The following TNFRSF19 variants were observed in gnomAD, a reference collection of about 807,000 sequenced individuals.
The protein encoded by TNFRSF19 is TNF receptor superfamily member 19.
TNFRSF19 carries 27 observed loss-of-function variants against 46.4 expected under a neutral mutation model. The ratio of observed to expected loss-of-function variants is 0.58; its 90% CI spans 0.43 to 0.80. The LOEUF (loss-of-function observed/expected upper bound fraction) is 0.80, where lower values mean the gene tolerates loss of function less well. Among genes scored for constraint, TNFRSF19 ranks in the 30% least tolerant of loss-of-function variants. TNFRSF19 has a pLI of 0.00. For synonymous variants in TNFRSF19, 204 were observed against 205.0 expected (o/e 1.00, Z 0.04); for missense variants, 511 against 530.8 (o/e 0.96, Z 0.37).
chr13:23,667,684 C>G (rs757769849), intron 7 of TNFRSF19, among the ~76,000 whole-genome samples: 1 of 152,098 alleles, frequency 6.6e-6, no homozygotes, highest in South Asian at 2.1e-4. Flanking sequence ...ATTTTTCATC[C>G]TCCCAAACTG....
intron 7 of TNFRSF19, 104 bp from the exon 8 acceptor site, chr13:23,667,876 C>A (rs747197201): frequency 1.0e-6 from 1 of 977,636 alleles, no homozygotes. Context: ...CAAAAGTCAC[C>A]CAAAGGGAAA....
intron 4 of TNFRSF19, among the ~76,000 whole-genome samples, chr13:23,620,356 A>C (rs1881573347): frequency 6.6e-6 from 1 of 152,166 alleles, no homozygotes; most frequent in Non-Finnish European, 1.5e-5. Flanking sequence ...CTCTAGCAAG[A>C]ACCTGCTGCT....
At chr13:23,609,619 T>C (rs1829817808) in intron 3 of TNFRSF19, among the ~76,000 whole-genome samples, 1 of 152,206 alleles carries the variant, frequency 6.6e-6, no homozygotes, top group Non-Finnish European at 1.5e-5. Context: ...CAAAGTAAAC[T>C]TTTCTAACCA....
In TNFRSF19 at chr13:23,668,711, G is replaced by C. The variant is rs1271329032; in HGVS notation, c.859G>C (p.Glu287Gln). 6.8e-6 allele frequency: 11 copies of C among 1,613,794 alleles called. No individual in the cohort carries two copies. Among genetic ancestry groups the C allele is most frequent in the Non-Finnish European group, 9.3e-6 (11 of 1,179,776 alleles). ...LQARNAGPAG[E>Q]MVPTFFGSLT... is the part of the protein sequence containing the mutation. The stretch of plus-strand genomic sequence containing the variant: ...GTGCAGAAACGCAGGCCCAGCCGGG[G>C]AGATGGTGCCGACTTTCTTCGGATC... The change falls in exon 9 of 10, where the codon GAG becomes CAG. Residue 287 changes from glutamate (E) to glutamine (Q), a missense_variant. Glu to Gln is a conservative substitution (Grantham distance 29). Around this residue, in one of 3 missense-constraint regions of TNFRSF19, gnomAD observed 376 missense variants for 372.7 expected, o/e 1.01. Coordinates refer to ENST00000248484, the MANE Select transcript of TNFRSF19 (RefSeq NM_148957.4).
intron 5 of TNFRSF19, among the ~76,000 whole-genome samples, chr13:23,652,612 G>A (rs1005067302): frequency 6.6e-6 from 1 of 152,136 alleles, no homozygotes; most frequent in African/African-American, 2.4e-5. Context: ...TCTCATGCAT[G>A]GCCTGATTAA....
At chr13:23,638,616 G>A (rs962557595) in intron 5 of TNFRSF19, among the ~76,000 whole-genome samples, 8 of 152,340 alleles carry the variant, frequency 5.3e-5, no homozygotes, top group Admixed American at 5.2e-4. Context: ...ATCAAGTTTG[G>A]TTGAGGAACT....
chr13:23,660,555 T>C, intron 7 of TNFRSF19, 65 bp downstream of exon 7: 1 of 1,564,936 alleles, frequency 6.4e-7, no homozygotes, highest in Non-Finnish European at 8.7e-7. Context: ...GCAGCAAGAA[T>C]TGGTCCTGGT....
intron 4 of TNFRSF19, among the ~76,000 whole-genome samples, chr13:23,626,419 C>T (rs1882013792): frequency 2.6e-5 from 4 of 152,074 alleles, no homozygotes; most frequent in South Asian, 2.1e-4. Context: ...GTTTAAGTTT[C>T]AATAAAAATG....
intron 3 of TNFRSF19, among the ~76,000 whole-genome samples, chr13:23,605,009 C>G (rs996091121): frequency 2.6e-5 from 4 of 152,072 alleles, no homozygotes; most frequent in Non-Finnish European, 4.4e-5. Context: ...GCATAAGACA[C>G]TGTTGAGAGA....
At chr13:23,639,091 C>CA (rs996542689) in intron 5 of TNFRSF19, among the ~76,000 whole-genome samples, 3 of 152,064 alleles carry the variant, frequency 2.0e-5, no homozygotes, top group Non-Finnish European at 2.9e-5. Flanking sequence ...AAACCAAAGT[C>CA]AAACTTAAGG....
chr13:23,656,876 C>T (rs1054444667), intron 5 of TNFRSF19, among the ~76,000 whole-genome samples: 32 of 152,192 alleles, frequency 2.1e-4, no homozygotes, highest in African/African-American at 7.5e-4. Flanking sequence ...AGTGTTTGCA[C>T]AGCTGTGCTT....
At chr13:23,588,000 C>A (rs1878969282) in intron 1 of TNFRSF19, among the ~76,000 whole-genome samples, 1 of 152,176 alleles carries the variant, frequency 6.6e-6, no homozygotes, top group South Asian at 2.1e-4. Flanking sequence ...CAAGGACTGT[C>A]ACATCCTAAT....
At position 23,669,090 on chromosome 13, in the gene TNFRSF19, CCCTCCAGGTAAG is replaced by C. The variant is rs1269158832; in HGVS notation, c.1239_1245+5del. 6.2e-7 allele frequency: 1 copy of C among 1,613,904 alleles called. No individual in the cohort carries two copies. The highest frequency in any genetic ancestry group is 2.2e-5 in the East Asian group (1 of 44,890). On this transcript the variant is annotated splice_donor_variant and splice_donor_5th_base_variant and coding_sequence_variant and intron_variant, in exon 9 of 10. Transcript: ENST00000248484. LOFTEE classifies it high-confidence loss of function. The stretch of plus-strand genomic sequence containing the variant: ...GTCATCCACCCAGCCACTCAGACGT[CCCTCCAGGTAAG>C]GCAGCGACTGGGTTCCCTGTGAACA...
chr13:23,610,743 G>A (rs1239853174), intron 3 of TNFRSF19, among the ~76,000 whole-genome samples: 5 of 152,092 alleles, frequency 3.3e-5, no homozygotes, highest in Admixed American at 3.3e-4. Context: ...GTGGAGGGAG[G>A]CATTGGATAC....
intron 1 of TNFRSF19, among the ~76,000 whole-genome samples, chr13:23,574,266 T>C (rs561515839): frequency 1.3e-5 from 2 of 152,200 alleles, no homozygotes; most frequent in Admixed American, 6.5e-5. Context: ...TCATTATCAA[T>C]TAATTCAATA....
chr13:23,616,673 C>G (rs1881317202), intron 4 of TNFRSF19, among the ~76,000 whole-genome samples: 1 of 152,034 alleles, frequency 6.6e-6, no homozygotes, highest in African/African-American at 2.4e-5. Flanking sequence ...ACCTGTGCCT[C>G]CCAGGTTCAA....
intron 3 of TNFRSF19, among the ~76,000 whole-genome samples, chr13:23,602,437 A>G (rs1453891329): frequency 6.6e-6 from 1 of 152,144 alleles, no homozygotes; most frequent in Non-Finnish European, 1.5e-5. Flanking sequence ...CTTCAACACT[A>G]TCAGAAATGG....
chr13:23,622,615 G>A (rs1291862680), intron 4 of TNFRSF19, among the ~76,000 whole-genome samples: 1 of 152,118 alleles, frequency 6.6e-6, no homozygotes, highest in Non-Finnish European at 1.5e-5. Context: ...AAAATGTTAA[G>A]TAGTGTCTAT....
chr13:23,658,948 C>G (rs1466385633), intron 5 of TNFRSF19, 102 bp from the exon 6 acceptor site: 8 of 1,485,406 alleles, frequency 5.4e-6, no homozygotes, highest in Non-Finnish European at 7.4e-6. Context: ...CCAGTTTTCT[C>G]ACAGCATGGG....
Sources: gnomAD v4.1 joint callset for allele counts (sites outside exome capture counted in the v4.1 genomes callset) on GRCh38, gnomAD v4.1.1 for gene constraint, gnomAD v4.1.1 regional missense constraint, MANE v1.5 for transcripts, NCBI Gene and HGNC (gene_info 2026-07-23, HGNC 2026-07-21) for gene names.